RNASET2: variants seen among roughly 807,000 people sequenced by gnomAD.
RNASET2 encodes ribonuclease T2.
In RNASET2, 28 loss-of-function variants were observed where a neutral mutation model predicts 33.9. The ratio of observed to expected loss-of-function variants is 0.83; its 90% CI spans 0.61 to 1.13. The LOEUF (loss-of-function observed/expected upper bound fraction) is 1.13. Among genes scored for constraint, RNASET2 ranks in the 50% most tolerant of loss-of-function variants. The pLI, the probability that RNASET2 is intolerant of heterozygous loss-of-function variation, is 0.00. For missense variants in RNASET2, 330 were observed against 319.9 expected (o/e 1.03, Z -0.24); for synonymous variants, 123 against 121.0 (o/e 1.02, Z -0.11).
At chr6:166,930,134 T>C (rs1417725154) in intron 8 of RNASET2, among the ~76,000 whole-genome samples, 1 of 152,228 alleles carries the variant, frequency 6.6e-6, no homozygotes, top group African/African-American at 2.4e-5. Context: ...GCACTCAACA[T>C]ATCTATCAAG....
intron 1 of RNASET2, chr6:166,955,566 T>C: frequency 1.0e-6 from 1 of 987,246 alleles, no homozygotes; most frequent in African/African-American, 1.7e-5. Context: ...GAACTTCGAG[T>C]GCAGGAACAG....
chr6:166,932,572 C>T (rs1292230731), intron 7 of RNASET2: 3 of 152,338 alleles, frequency 2.0e-5, no homozygotes, highest in African/African-American at 7.2e-5. Context: ...GCTCCCGCAG[C>T]CCTGATTTCC....
In RNASET2 at chr6:166,952,474, G is replaced by C. The variant is rs754102434; in HGVS notation, c.147+14C>G. ...TCCCCAGGCCCCAGGGCCCGTCAAG[G>C]CAGAAACACTCACCTCGCATACTGT... On this transcript the variant is annotated intron_variant, in intron 2 of 8. Coordinates refer to ENST00000508775, the MANE Select transcript of RNASET2 (RefSeq NM_003730.6). 2.5e-6 allele frequency: 4 copies of C among 1,613,054 alleles called. No individual in the cohort carries two copies. Among genetic ancestry groups the C allele is most frequent in the Non-Finnish European group, 2.5e-6 (3 of 1,178,958 alleles).
chr6:166,930,614 G>T (rs529074053), intron 8 of RNASET2, among the ~76,000 whole-genome samples: 102 of 122,196 alleles, frequency 8.3e-4, no homozygotes, highest in African/African-American at 3.1e-3. Context: ...GCATGTACAT[G>T]CACACACAGC....
chr6:166,937,946 G>A (rs1778606956), intron 6 of RNASET2, among the ~76,000 whole-genome samples: 1 of 152,226 alleles, frequency 6.6e-6, no homozygotes. Flanking sequence ...AGATGACACA[G>A]GAGACCATCT....
At position 166,925,843 on chromosome 6, in the gene RNASET2, A is replaced by G. The variant is rs1778296946; in HGVS notation, c.*3745T>C. 2.6e-5 allele frequency among the ~76,000 whole-genome samples: 4 copies of G among 152,236 alleles called. No homozygotes were observed. The highest frequency in any genetic ancestry group is 1.5e-5 in the Non-Finnish European group (1 of 68,034). ...CCCAAACTGCGCGGAGAATCCAGGC[A>G]CAAGGAAGTGCTAAGCAGAGCCCTC... On this transcript the variant is annotated 3_prime_UTR_variant, in exon 9 of 9. Coordinates refer to ENST00000508775, the MANE Select transcript of RNASET2 (RefSeq NM_003730.6).
intron 6 of RNASET2, among the ~76,000 whole-genome samples, chr6:166,936,205 G>A (rs1778561619): frequency 6.6e-6 from 1 of 152,142 alleles, no homozygotes. Flanking sequence ...GCTTTGCCCT[G>A]GCAGGCCCTC....
At chr6:166,940,287 AAC>A (rs1360332520) in intron 5 of RNASET2, among the ~76,000 whole-genome samples, 1 of 152,256 alleles carries the variant, frequency 6.6e-6, no homozygotes, top group Non-Finnish European at 1.5e-5. Flanking sequence ...CAGTCTTAAA[AAC>A]ACAATCTAAA....
At chr6:166,931,680 T>C (rs924949830) in intron 7 of RNASET2, 16 of 167,322 alleles carry the variant, frequency 9.6e-5, no homozygotes, top group Admixed American at 2.3e-4. Flanking sequence ...ACTGAGGGAG[T>C]CCTCCCCCAC....
rs1778287120 is a variant in RNASET2, at chr6:166,925,228, G to A, written c.*4360C>T. ...CCTCTGCTGTCCAGGCATCACCCTTGCTGTCCAGCCGACACCTACGATGCG... is the reference window on the plus strand; with the variant it reads ...CCTCTGCTGTCCAGGCATCACCCTTACTGTCCAGCCGACACCTACGATGCG... On this transcript the variant is annotated 3_prime_UTR_variant, in exon 9 of 9. Transcript: ENST00000508775. Among the ~76,000 whole-genome samples the A allele has an allele frequency of 6.8e-6, 1 of 147,216 alleles. No individual in the cohort carries two copies. Among genetic ancestry groups the A allele is most frequent in the African/African-American group, 2.5e-5 (1 of 39,534 alleles).
intron 1 of RNASET2, chr6:166,953,414 G>C (rs1384404783): frequency 6.6e-6 from 1 of 152,244 alleles, no homozygotes; most frequent in Non-Finnish European, 1.5e-5. Flanking sequence ...TATAAGTCAA[G>C]CAGACACTTC....
intron 6 of RNASET2, chr6:166,934,412 G>A (rs575291808): frequency 1.5e-4 from 67 of 442,282 alleles, no homozygotes; most frequent in South Asian, 7.2e-4. Flanking sequence ...GGCCACCACC[G>A]AGTGGAGCTG....
intron 2 of RNASET2, among the ~76,000 whole-genome samples, chr6:166,951,189 A>C (rs1316210849): frequency 6.6e-6 from 1 of 152,218 alleles, no homozygotes; most frequent in Non-Finnish European, 1.5e-5. Context: ...GAGAGAGGCC[A>C]GCTTACGCCA....
Position 166,925,703 on chromosome 6 carries a change from G to A in RNASET2, c.*3885C>T, listed in dbSNP as rs996658911. ...GAAGAGGCCCTGGTCCCTGGGCGTG[G>A]AGGCGCAGAGCCACCCAGGACTGCA... On this transcript the variant is annotated 3_prime_UTR_variant, in exon 9 of 9. Transcript: ENST00000508775. 1.3e-5 allele frequency among the ~76,000 whole-genome samples: 2 copies of A among 152,178 alleles called. No homozygotes were observed. Among genetic ancestry groups the A allele is most frequent in the East Asian group, 3.8e-4 (2 of 5,200 alleles).
Position 166,938,977 on chromosome 6 carries a change from C to G in RNASET2, c.364G>C (p.Ala122Pro). 2 of 1,613,554 alleles carry G rather than the reference C, an allele frequency of 1.2e-6. No homozygotes were observed. The highest frequency in any genetic ancestry group is 1.7e-6 in the Non-Finnish European group (2 of 1,179,972). Residue 122 changes from alanine (A) to proline (P), a missense_variant, in exon 6 of 9, where the codon GCC becomes CCC. Ala to Pro is a conservative substitution (Grantham distance 27). Transcript: ENST00000508775. ...KHEWEKHGTC[A>P]AQVDALNSQK... is the part of the protein sequence containing the mutation. ...GAGTTGAGCGCATCCACCTGGGCGGCGCAGGTCCCATGCTTTTCCCACTCA... is the reference window on the plus strand; with the variant it reads ...GAGTTGAGCGCATCCACCTGGGCGGGGCAGGTCCCATGCTTTTCCCACTCA...
intron 2 of RNASET2, among the ~76,000 whole-genome samples, chr6:166,949,420 G>A (rs1334022141): frequency 7.2e-6 from 1 of 139,698 alleles, no homozygotes; most frequent in Non-Finnish European, 1.5e-5. Flanking sequence ...AGAATAGCTT[G>A]AACCCGGGAG....
chr6:166,930,975 A>G, intron 8 of RNASET2, 69 bp downstream of exon 8: 4 of 1,080,398 alleles, frequency 3.7e-6, no homozygotes, highest in Middle Eastern at 2.0e-4. Context: ...CATGGTGAAG[A>G]CAAGGCCATC....
chr6:166,956,397 C>T lies in RNASET2; in HGVS notation c.-215G>A, dbSNP rs1779168058. On this transcript the variant is annotated 5_prime_UTR_variant, in exon 1 of 9. Transcript: ENST00000508775. ...CCGCGCCGGGCTCCGGGAATGGCCG[C>T]AGCAGCCCTGGCGACCCGGGCCCCT... 2.0e-5 allele frequency: 12 copies of T among 591,730 alleles called. No homozygotes were observed. The East Asian group carries it at 3.5e-4, about 17-fold the overall frequency. The allele number at this position is 591,730 out of a possible 1,614,324, so 36.7% of individuals were successfully genotyped here.
chr6:166,927,559 G>A lies in RNASET2; in HGVS notation c.*2029C>T, dbSNP rs995278195. 2.0e-5 allele frequency among the ~76,000 whole-genome samples: 3 copies of A among 151,842 alleles called. No homozygotes were observed. Among genetic ancestry groups the A allele is most frequent in the East Asian group, 1.9e-4 (1 of 5,170 alleles). ...TCTTTAAAAACCGCAAAGGCCAGCC[G>A]ACTGCAGACAGCCTCTGAAGAGCTG... is the stretch of plus-strand genomic sequence containing the variant. On this transcript the variant is annotated 3_prime_UTR_variant, in exon 9 of 9. Transcript: ENST00000508775.
Sources: allele counts gnomAD v4.1 joint callset (sites outside exome capture counted in the v4.1 genomes callset), GRCh38; gene constraint gnomAD v4.1.1; transcripts MANE v1.5; gene names NCBI Gene and HGNC (gene_info 2026-07-23, HGNC 2026-07-21).